Variants in DNAH14 observed in about 807,000 individuals in gnomAD.
The protein encoded by DNAH14 is axonemal beta dynein heavy chain 14.
Under a neutral mutation model 520.9 loss-of-function variants are expected in DNAH14, and 478 were observed. The ratio of observed to expected loss-of-function variants is 0.92; its 90% CI spans 0.85 to 0.99. The LOEUF (loss-of-function observed/expected upper bound fraction) is 0.99. DNAH14 is among the 50% of genes least tolerant of loss of function. The probability of loss-of-function intolerance (pLI) is 0.00; values close to 1 mark genes in which losing one functional copy is unlikely to be tolerated. For synonymous variants in DNAH14, 1,581 were observed against 1,757.2 expected, an observed-to-expected ratio of 0.90 and a Z score of 2.51; for missense variants, 4,831 against 5,234.5, an observed-to-expected ratio of 0.92 and a Z score of 2.38.
chr1:225,267,510 G>T (rs2093162634), intron 49 of DNAH14, among the ~76,000 whole-genome samples: 1 of 151,918 alleles, frequency 6.6e-6, no homozygotes, highest in Non-Finnish European at 1.5e-5. Flanking sequence ...AGCCAGGATG[G>T]TCTCGATCTG....
rs567201836 is a variant in DNAH14, at chr1:225,032,742, C to T, written c.1359-5952C>T. On this transcript the variant is annotated intron_variant, in intron 11 of 85. Transcript: ENST00000682510. ...TTTTCTCCGCAACCTCACCAGCATC[C>T]GTTATTTTTTAACTTTTTAATAATA... is the stretch of plus-strand genomic sequence containing the variant. 4.6e-5 allele frequency among the ~76,000 whole-genome samples: 7 copies of T among 151,994 alleles called. No individual in the cohort carries two copies. The East Asian group carries it at 7.7e-4, about 17-fold the overall frequency.
chr1:225,363,068 T>C (rs1199227003), intron 75 of DNAH14, among the ~76,000 whole-genome samples: 1 of 152,160 alleles, frequency 6.6e-6, no homozygotes, highest in African/African-American at 2.4e-5. Flanking sequence ...TAAAAATAAT[T>C]TCACACTTGC....
intron 43 of DNAH14, 126 bp downstream of exon 43, chr1:225,240,948 A>G: frequency 1.4e-6 from 1 of 728,782 alleles, no homozygotes; most frequent in Non-Finnish European, 2.2e-6. Context: ...AAGGTTTATA[A>G]TATACCCAAT....
At chr1:225,164,587 A>G (rs1313891718) in intron 35 of DNAH14, among the ~76,000 whole-genome samples, 3 of 151,956 alleles carry the variant, frequency 2.0e-5, no homozygotes, top group Non-Finnish European at 2.9e-5. Flanking sequence ...CCTGCTCACT[A>G]TGGGGTAGAT....
At chr1:225,030,149 C>G (rs950942828) in intron 11 of DNAH14, among the ~76,000 whole-genome samples, 4 of 151,676 alleles carry the variant, frequency 2.6e-5, no homozygotes, top group Admixed American at 6.6e-5. Flanking sequence ...CCTAAATAAC[C>G]AATGAGTCAA....
intron 4 of DNAH14, among the ~76,000 whole-genome samples, chr1:224,964,032 G>A (rs1407856852): frequency 6.6e-6 from 1 of 152,094 alleles, no homozygotes; most frequent in East Asian, 1.9e-4. Context: ...CTTTCAAGAA[G>A]GAGAAGATTG....
chr1:225,224,195 A>G (rs534948088), intron 41 of DNAH14, among the ~76,000 whole-genome samples: 1 of 152,076 alleles, frequency 6.6e-6, no homozygotes, highest in African/African-American at 2.4e-5. Flanking sequence ...CCTATCCTAA[A>G]GGGCAATACA....
chr1:225,010,998 C>G (rs978319571), intron 10 of DNAH14, among the ~76,000 whole-genome samples: 10 of 150,466 alleles, frequency 6.6e-5, no homozygotes, highest in African/African-American at 2.4e-4. Flanking sequence ...TCTTCTTTAT[C>G]AGTCTGGCTA....
In DNAH14 at chr1:225,351,834, C is replaced by T; in HGVS notation, c.11484C>T (p.Phe3828=). The T allele has an allele frequency of 6.4e-7, 1 of 1,551,220 alleles. No homozygotes were observed. Among genetic ancestry groups the T allele is most frequent in the Non-Finnish European group, 8.7e-7 (1 of 1,146,708 alleles). The change falls in exon 72 of 86, where the codon TTC becomes TTT. Residue 3828 remains phenylalanine, a synonymous_variant. Coordinates refer to ENST00000682510, the MANE Select transcript of DNAH14 (RefSeq NM_001367479.1). The stretch of plus-strand genomic sequence containing the variant: ...TTTATTCTCTGATCAGCACACCTTT[C>T]TCTTCAGAAAATGCTTCATTGGAGG... ...KAVYSLISTP[F]SSENASLEEN...
At chr1:225,393,830 T>C (rs28565961) in intron 84 of DNAH14, among the ~76,000 whole-genome samples, 1 of 151,648 alleles carries the variant, frequency 6.6e-6, no homozygotes, top group Non-Finnish European at 1.5e-5. Flanking sequence ...TTTTTGTTTT[T>C]TTTTTTGAGA....
At chr1:225,272,932 CG>C (rs1042684315) in intron 51 of DNAH14, 22 bp from the exon 52 acceptor site, 48 of 1,498,928 alleles carry the variant, frequency 3.2e-5, no homozygotes, top group Non-Finnish European at 3.9e-5. Flanking sequence ...TTTAAAAAAA[CG>C]TTATTTTTAA....
At chr1:224,973,141 T>G (rs2061600548) in intron 7 of DNAH14, among the ~76,000 whole-genome samples, 1 of 152,246 alleles carries the variant, frequency 6.6e-6, no homozygotes, top group African/African-American at 2.4e-5. Flanking sequence ...ATTGAGGCAG[T>G]CCTGATTTCC....
In DNAH14 at chr1:225,335,317, A is replaced by G. The variant is rs1329188939; in HGVS notation, c.10080+1811A>G. Among the ~76,000 whole-genome samples the G allele has an allele frequency of 2.3e-5, 3 of 129,738 alleles. 1 individual carries two copies. The highest frequency in any genetic ancestry group is 4.9e-4 in the South Asian group (2 of 4,044). 85.1% of individuals were successfully genotyped at this position (129,738 alleles called of 152,430 possible). ...TATACACATGTGTACACGTGTGTATATGCACATATACACGTGTGTACATGT... is the reference window on the plus strand; with the variant it reads ...TATACACATGTGTACACGTGTGTATGTGCACATATACACGTGTGTACATGT... On this transcript the variant is annotated intron_variant, in intron 66 of 85. Transcript: ENST00000682510.
chr1:225,120,265 A>C (rs1229684938), intron 26 of DNAH14, among the ~76,000 whole-genome samples: 1 of 152,216 alleles, frequency 6.6e-6, no homozygotes, highest in Non-Finnish European at 1.5e-5. Flanking sequence ...ATGGGATCCC[A>C]GAACTGATTG....
At chr1:225,168,878 A>G (rs1294161078) in intron 36 of DNAH14, among the ~76,000 whole-genome samples, 1 of 152,228 alleles carries the variant, frequency 6.6e-6, no homozygotes, top group African/African-American at 2.4e-5. Context: ...ACCCTCAAGT[A>G]GCCTAACTGG....
At chr1:224,999,989 A>G (rs747639550) in intron 8 of DNAH14, among the ~76,000 whole-genome samples, 2 of 152,138 alleles carry the variant, frequency 1.3e-5, no homozygotes, top group Non-Finnish European at 2.9e-5. Context: ...ATTTTTGTTT[A>G]TCATGTTCTT....
chr1:225,215,393 G>C (rs919078247), intron 41 of DNAH14, among the ~76,000 whole-genome samples: 5 of 152,110 alleles, frequency 3.3e-5, no homozygotes, highest in Non-Finnish European at 7.4e-5. Flanking sequence ...GTTGATTTGG[G>C]GTGGAGAGTT....
intron 61 of DNAH14, among the ~76,000 whole-genome samples, chr1:225,320,663 C>T (rs2150194998): frequency 6.6e-6 from 1 of 152,278 alleles, no homozygotes; most frequent in African/African-American, 2.4e-5. Context: ...CCAACAATTG[C>T]CCCATGATAC....
Position 225,245,819 on chromosome 1 carries a change from A to G in DNAH14, c.6748+4997A>G, listed in dbSNP as rs140534178. On this transcript the variant is annotated intron_variant, in intron 43 of 85. Transcript: ENST00000682510. ...CTGCTCCAAGTAATTTATAGATTCAATGCTATTCCCATCAAGCTACCATTT... is the reference window on the plus strand; with the variant it reads ...CTGCTCCAAGTAATTTATAGATTCAGTGCTATTCCCATCAAGCTACCATTT... Among the ~76,000 whole-genome samples, 537 of 152,286 alleles carry G rather than the reference A, an allele frequency of 3.5e-3. 4 individuals carry two copies. The highest frequency in any genetic ancestry group is 0.013 in the African/African-American group (520 of 41,570).
Sources: allele counts gnomAD v4.1 joint callset (sites outside exome capture counted in the v4.1 genomes callset), GRCh38; gene constraint gnomAD v4.1.1; transcripts MANE v1.5; gene names NCBI Gene and HGNC (gene_info 2026-07-23, HGNC 2026-07-21).